ZMAT4: variants seen among roughly 807,000 people sequenced by gnomAD.
ZMAT4 encodes the protein zinc finger matrin-type protein 4.
A neutral mutation model predicts 28.7 loss-of-function variants in ZMAT4; 17 were observed. That is an observed-to-expected ratio of 0.59 (90% confidence interval 0.41 to 0.89). The LOEUF (loss-of-function observed/expected upper bound fraction) is 0.89, where lower values mean the gene tolerates loss of function less well. ZMAT4 is among the 40% of genes least tolerant of loss of function. The pLI is 0.00. For synonymous variants in ZMAT4, 117 were observed against 109.2 expected (o/e 1.07, Z -0.44); for missense variants, 240 against 283.8 (o/e 0.85, Z 1.11).
At chr8:40,812,688 TG>T in intron 2 of ZMAT4, among the ~76,000 whole-genome samples, 1 of 152,140 alleles carries the variant, frequency 6.6e-6, no homozygotes, top group African/African-American at 2.4e-5. Context: ...CCCAGCACTT[TG>T]GGAGGCCGAG....
chr8:40,720,258 A>T (rs1811023394), intron 3 of ZMAT4, among the ~76,000 whole-genome samples: 1 of 152,176 alleles, frequency 6.6e-6, no homozygotes. Flanking sequence ...CAGCACTATT[A>T]TTGAGTATGA....
chr8:40,585,622 A>G (rs767645989), intron 5 of ZMAT4, among the ~76,000 whole-genome samples: 4 of 152,174 alleles, frequency 2.6e-5, no homozygotes, highest in Non-Finnish European at 5.9e-5. Flanking sequence ...TGCTATAGTT[A>G]TACTGACTTT....
At chr8:40,781,489 G>A (rs557236904) in intron 2 of ZMAT4, among the ~76,000 whole-genome samples, 8 of 152,210 alleles carry the variant, frequency 5.3e-5, no homozygotes, top group Non-Finnish European at 8.8e-5. Context: ...AAGGCCGGGC[G>A]CGGTGGCTCA....
chr8:40,601,723 AAGAAAGAG>A lies in ZMAT4; in HGVS notation c.578-20470_578-20463del, dbSNP rs1383527723. Reference sequence around the variant, plus strand: ...AAGAAAGAAAAGAAAGAAAGAAAGAAAGAAAGAGAAAGCAGGCAGGCAGGCAGGCAAAG... The same window carrying A: ...AAGAAAGAAAAGAAAGAAAGAAAGAAAAAGCAGGCAGGCAGGCAGGCAAAG... On this transcript the variant is annotated intron_variant, in intron 5 of 6. Coordinates refer to ENST00000297737, the MANE Select transcript of ZMAT4 (RefSeq NM_024645.3). Among the ~76,000 whole-genome samples the A allele has an allele frequency of 1.8e-4, 12 of 65,426 alleles. 1 individual carries two copies. Among genetic ancestry groups the A allele is most frequent in the Non-Finnish European group, 3.9e-4 (8 of 20,748 alleles). The allele number at this position is 65,426 out of a possible 152,430, so 42.9% of individuals were successfully genotyped here.
At chr8:40,581,106 G>T in intron 6 of ZMAT4, 59 bp downstream of exon 6, 2 of 1,372,754 alleles carry the variant, frequency 1.5e-6, no homozygotes, top group African/African-American at 1.4e-5. Context: ...TGAGCCTTTA[G>T]TCATCTTACT....
chr8:40,623,465 T>A (rs1806268993), intron 5 of ZMAT4, among the ~76,000 whole-genome samples: 1 of 152,216 alleles, frequency 6.6e-6, no homozygotes, highest in East Asian at 1.9e-4. Flanking sequence ...GTAGCTATAT[T>A]CAGTTTTACT....
intron 3 of ZMAT4, among the ~76,000 whole-genome samples, chr8:40,739,732 A>T (rs1340614063): frequency 6.6e-6 from 1 of 151,962 alleles, no homozygotes; most frequent in Non-Finnish European, 1.5e-5. Flanking sequence ...GCACCCATCA[A>T]CCCTTCGTGT....
intron 3 of ZMAT4, among the ~76,000 whole-genome samples, chr8:40,746,273 CTTTCTTTCTTTCT>C (rs1381513083): frequency 4.4e-4 from 38 of 87,156 alleles, no homozygotes; most frequent in African/African-American, 1.6e-3. Flanking sequence ...CCCTTCCTTC[CTTTCTTTCTTTCT>C]TTTCTTTCTT....
At chr8:40,809,473 T>A (rs1815233728) in intron 2 of ZMAT4, among the ~76,000 whole-genome samples, 1 of 152,070 alleles carries the variant, frequency 6.6e-6, no homozygotes, top group Non-Finnish European at 1.5e-5. Flanking sequence ...CTCAAATACA[T>A]CTTGATATTA....
intron 1 of ZMAT4, among the ~76,000 whole-genome samples, chr8:40,843,146 G>T (rs1383658009): frequency 2.6e-5 from 4 of 152,210 alleles, no homozygotes; most frequent in Non-Finnish European, 5.9e-5. Context: ...TGACAGAGAG[G>T]CAAGGCCAAG....
intron 3 of ZMAT4, among the ~76,000 whole-genome samples, chr8:40,752,787 T>A (rs1812509392): frequency 6.6e-6 from 1 of 152,158 alleles, no homozygotes; most frequent in African/African-American, 2.4e-5. Flanking sequence ...ACAGCTCCCC[T>A]CAGCTCTTCT....
chr8:40,582,018 C>T (rs1210129692), intron 5 of ZMAT4, among the ~76,000 whole-genome samples: 5 of 152,248 alleles, frequency 3.3e-5, no homozygotes, highest in Non-Finnish European at 7.4e-5. Flanking sequence ...CATAATGAAA[C>T]ATATTCCTTC....
At chr8:40,743,673 C>T (rs1026769773) in intron 3 of ZMAT4, among the ~76,000 whole-genome samples, 8 of 152,208 alleles carry the variant, frequency 5.3e-5, no homozygotes, top group Admixed American at 5.2e-4. Flanking sequence ...AGGACACACA[C>T]ATACACCGCA....
chr8:40,541,322 G>A (rs1311869016), intron 6 of ZMAT4, among the ~76,000 whole-genome samples: 1 of 152,100 alleles, frequency 6.6e-6, no homozygotes, highest in Admixed American at 6.5e-5. Flanking sequence ...TCAAGGGCAA[G>A]CAAAGGATCA....
chr8:40,577,220 T>G (rs1227043805), intron 6 of ZMAT4, among the ~76,000 whole-genome samples: 1 of 151,922 alleles, frequency 6.6e-6, no homozygotes, highest in Non-Finnish European at 1.5e-5. Flanking sequence ...AAGATGTCTG[T>G]GCTCCCATTT....
intron 2 of ZMAT4, among the ~76,000 whole-genome samples, chr8:40,805,627 A>C (rs2150591144): frequency 2.1e-5 from 3 of 144,676 alleles, no homozygotes; most frequent in Admixed American, 1.4e-4. Flanking sequence ...TGATGAGTTC[A>C]TGTCCTTTGT....
At chr8:40,580,286 A>G (rs1163104140) in intron 6 of ZMAT4, among the ~76,000 whole-genome samples, 2 of 152,062 alleles carry the variant, frequency 1.3e-5, no homozygotes, top group African/African-American at 2.4e-5. Flanking sequence ...TGCTGGGACT[A>G]CAGGCATGAG....
intron 5 of ZMAT4, among the ~76,000 whole-genome samples, chr8:40,616,530 T>C (rs1806011289): frequency 6.6e-6 from 1 of 152,144 alleles, no homozygotes; most frequent in Non-Finnish European, 1.5e-5. Flanking sequence ...ATGTGGCACA[T>C]ATACACCATG....
At chr8:40,807,678 A>G (rs1815143839) in intron 2 of ZMAT4, among the ~76,000 whole-genome samples, 1 of 152,226 alleles carries the variant, frequency 6.6e-6, no homozygotes, top group Non-Finnish European at 1.5e-5. Flanking sequence ...CTAATACAGT[A>G]AATATTATCT....
Sources: allele counts gnomAD v4.1 joint callset (sites outside exome capture counted in the v4.1 genomes callset), GRCh38; gene constraint gnomAD v4.1.1; transcripts MANE v1.5; gene names NCBI Gene and HGNC (gene_info 2026-07-23, HGNC 2026-07-21).